AGMO: variants seen among roughly 807,000 people sequenced by gnomAD.
AGMO encodes glyceryl-ether monooxygenase.
In AGMO, 75 loss-of-function variants were observed where a neutral mutation model predicts 60.2. The ratio of observed to expected loss-of-function variants is 1.25; its 90% CI spans 1.03 to 1.51. The LOEUF is 1.51. Among genes scored for constraint, AGMO ranks in the 40% most tolerant of loss-of-function variants. AGMO has a pLI of 0.00. For missense variants in AGMO, 763 were observed against 525.5 expected, an observed-to-expected ratio of 1.45 and a Z score of -4.42; for synonymous variants, 261 against 177.1, an observed-to-expected ratio of 1.47 and a Z score of -3.76.
chr7:15,532,183 T>A (rs895291709), intron 3 of AGMO, among the ~76,000 whole-genome samples: 5 of 152,236 alleles, frequency 3.3e-5, no homozygotes, highest in African/African-American at 1.2e-4. Context: ...TCATTAAATA[T>A]AATTTTTGTT....
At chr7:15,307,004 C>A (rs565610818) in intron 12 of AGMO, among the ~76,000 whole-genome samples, 1 of 152,084 alleles carries the variant, frequency 6.6e-6, no homozygotes, top group African/African-American at 2.4e-5. Flanking sequence ...GTACAAAGAT[C>A]TACACTTAAA....
intron 12 of AGMO, among the ~76,000 whole-genome samples, chr7:15,233,082 T>C (rs1320569423): frequency 6.6e-6 from 1 of 152,202 alleles, no homozygotes; most frequent in Non-Finnish European, 1.5e-5. Flanking sequence ...CCATGTAGGT[T>C]TGATTCATAT....
chr7:15,429,676 G>T (rs139196518), intron 4 of AGMO, among the ~76,000 whole-genome samples: 11 of 152,018 alleles, frequency 7.2e-5, no homozygotes, highest in African/African-American at 2.7e-4. Context: ...TTCCTGTTAA[G>T]ATCCATTCCA....
intron 3 of AGMO, 74 bp from the exon 4 acceptor site, chr7:15,431,182 G>T: frequency 9.9e-7 from 1 of 1,006,838 alleles, no homozygotes; most frequent in Non-Finnish European, 1.5e-6. Context: ...TATGCATGCT[G>T]CTCTGTTGAG....
chr7:15,326,615 A>C (rs1349524419), intron 12 of AGMO, among the ~76,000 whole-genome samples: 1 of 152,184 alleles, frequency 6.6e-6, no homozygotes, highest in Non-Finnish European at 1.5e-5. Flanking sequence ...GGTGTTGACC[A>C]TATATTTCTC....
intron 12 of AGMO, among the ~76,000 whole-genome samples, chr7:15,310,856 T>G (rs1780749796): frequency 6.6e-6 from 1 of 152,178 alleles, no homozygotes; most frequent in Non-Finnish European, 1.5e-5. Context: ...TCTGTTTCTT[T>G]GCTTTTTCCA....
chr7:15,410,638 T>G (rs1780563668), intron 5 of AGMO, among the ~76,000 whole-genome samples: 1 of 151,896 alleles, frequency 6.6e-6, no homozygotes, highest in African/African-American at 2.4e-5. Context: ...AAAACAGGTA[T>G]CTATATTTCA....
At chr7:15,213,930 A>T (rs1781665194) in intron 12 of AGMO, among the ~76,000 whole-genome samples, 1 of 152,026 alleles carries the variant, frequency 6.6e-6, no homozygotes, top group Admixed American at 6.6e-5. Flanking sequence ...GGACAACAGA[A>T]ATTTCACAGG....
intron 2 of AGMO, among the ~76,000 whole-genome samples, chr7:15,558,913 T>C (rs1263673391): frequency 6.6e-6 from 1 of 151,958 alleles, no homozygotes; most frequent in Non-Finnish European, 1.5e-5. Context: ...CAGTCAGAAG[T>C]AAAGCTCTTA....
intron 12 of AGMO, among the ~76,000 whole-genome samples, chr7:15,245,401 G>C (rs538355139): frequency 6.6e-6 from 1 of 152,178 alleles, no homozygotes; most frequent in Non-Finnish European, 1.5e-5. Context: ...AATTGGCTGA[G>C]AGGGAGTTTG....
At chr7:15,371,518 G>C (rs1583469909) in intron 10 of AGMO, among the ~76,000 whole-genome samples, 1 of 151,914 alleles carries the variant, frequency 6.6e-6, no homozygotes, top group African/African-American at 2.4e-5. Context: ...AGCCTCCCTA[G>C]TAGCTGGGAT....
the AGMO span, among the ~76,000 whole-genome samples, chr7:15,186,285 T>C: frequency 3.3e-5 from 5 of 152,222 alleles, no homozygotes; most frequent in African/African-American, 4.8e-5. Flanking sequence ...TGAATGCAGA[T>C]TGCAGGATTG....
At chr7:15,222,884 TATC>T (rs1268277183) in intron 12 of AGMO, among the ~76,000 whole-genome samples, 3 of 151,976 alleles carry the variant, frequency 2.0e-5, no homozygotes, top group South Asian at 2.1e-4. Context: ...GTAACAAAAA[TATC>T]ATCAATGAAA....
At chr7:15,426,952 A>G (rs1781082556) in intron 4 of AGMO, among the ~76,000 whole-genome samples, 1 of 152,140 alleles carries the variant, frequency 6.6e-6, no homozygotes, top group Non-Finnish European at 1.5e-5. Context: ...AGTTTTGACT[A>G]GCTCTGCATG....
intron 12 of AGMO, among the ~76,000 whole-genome samples, chr7:15,230,288 C>T (rs1782221784): frequency 6.6e-6 from 1 of 152,124 alleles, no homozygotes; most frequent in African/African-American, 2.4e-5. Flanking sequence ...AAAGTGCTTA[C>T]ATTTTTTCCC....
At chr7:15,399,566 A>G (rs758470174) in intron 5 of AGMO, among the ~76,000 whole-genome samples, 5 of 152,234 alleles carry the variant, frequency 3.3e-5, no homozygotes, top group Non-Finnish European at 5.9e-5. Flanking sequence ...TCATAAATAT[A>G]TAAATAATAC....
intron 12 of AGMO, among the ~76,000 whole-genome samples, chr7:15,233,996 G>A (rs1484554412): frequency 2.6e-5 from 4 of 152,178 alleles, no homozygotes; most frequent in Admixed American, 6.5e-5. Context: ...GCAGTGAGCC[G>A]AGATGGCGCC....
chr7:15,189,632 G>A, the AGMO span, among the ~76,000 whole-genome samples: 2 of 151,904 alleles, frequency 1.3e-5, no homozygotes, highest in Non-Finnish European at 2.9e-5. Flanking sequence ...ACAGCGCATC[G>A]CACCTTCCAT....
At chr7:15,168,171 G>C in the AGMO span, among the ~76,000 whole-genome samples, 1 of 152,298 alleles carries the variant, frequency 6.6e-6, no homozygotes, top group East Asian at 1.9e-4. Flanking sequence ...GCCAGCACAG[G>C]CAGCTTCAGG....
Sources: gnomAD v4.1 joint callset for allele counts (sites outside exome capture counted in the v4.1 genomes callset) on GRCh38, gnomAD v4.1.1 for gene constraint, MANE v1.5 for transcripts, NCBI Gene and HGNC (gene_info 2026-07-23, HGNC 2026-07-21) for gene names.